The following NUP153 variants were observed in gnomAD, a reference collection of about 807,000 sequenced individuals.
NUP153 encodes the protein nucleoporin 153, also known as nuclear pore complex protein Nup153.
A neutral mutation model predicts 134.6 loss-of-function variants in NUP153; 27 were observed. That is an observed-to-expected ratio of 0.20 (90% CI 0.15 to 0.28). NUP153 has a LOEUF of 0.28. NUP153 is among the 10% of genes least tolerant of loss of function. The pLI, the probability that NUP153 is intolerant of heterozygous loss-of-function variation, is 1.00. For synonymous variants in NUP153, 640 were observed against 623.5 expected (o/e 1.03, Z -0.40); for missense variants, 1,821 against 1,731.3 (o/e 1.05, Z -0.92).
intron 11 of NUP153, among the ~76,000 whole-genome samples, chr6:17,652,904 C>A (rs1003437255): frequency 1.3e-5 from 2 of 151,998 alleles, no homozygotes; most frequent in Admixed American, 6.6e-5. Flanking sequence ...TGGCGCACAC[C>A]TGTAATCCCA....
Position 17,639,951 on chromosome 6 carries a change from G to T in NUP153, c.1834C>A (p.Leu612Met). ...TTAATTATCTTACCAGGGCTTTTCA[G>T]AATATCTAGAACACTTCCTTCTTTC... ...ILKEGSVLDI[L>M]KSPGFASPKI... Residue 612 changes from leucine (L) to methionine (M), a missense_variant, in exon 15 of 22, where the codon CTG (leucine) becomes ATG (methionine). Transcript: ENST00000262077. 6.2e-7 allele frequency: 1 copy of T among 1,604,114 alleles called. No individual in the cohort carries two copies. The highest frequency in any genetic ancestry group is 8.5e-7 in the Non-Finnish European group (1 of 1,177,216).
intron 15 of NUP153, among the ~76,000 whole-genome samples, chr6:17,639,696 T>TAG (rs1268662086): frequency 2.0e-5 from 3 of 152,216 alleles, no homozygotes; most frequent in Non-Finnish European, 4.4e-5. Context: ...GACCTACCTC[T>TAG]ATTAATGGAG....
Position 17,628,572 on chromosome 6 carries a change from G to A in NUP153, c.3544+83C>T. 1 of 670,928 alleles carries A rather than the reference G, an allele frequency of 1.5e-6. No homozygotes were observed. Among genetic ancestry groups the A allele is most frequent in the Non-Finnish European group, 2.1e-6 (1 of 481,724 alleles). 41.6% of individuals were successfully genotyped at this position (670,928 alleles called of 1,614,324 possible). ...TTCAGTGTAAACCATTAATTGACTTGCTGCATCTGTCAAGGCAACTTGTAA... is the reference window on the plus strand; with the variant it reads ...TTCAGTGTAAACCATTAATTGACTTACTGCATCTGTCAAGGCAACTTGTAA... On this transcript the variant is annotated intron_variant, in intron 18 of 21. Coordinates refer to ENST00000262077, the MANE Select transcript of NUP153 (RefSeq NM_005124.4). The surrounding 1 kb of genome is among the most constrained non-coding windows in gnomAD (Gnocchi z 5.4).
chr6:17,698,343 A>G lies in NUP153; in HGVS notation c.111+7934T>C, dbSNP rs566844512. ...CACCGTGGCTCACGCCTGTAATCTC[A>G]GTGCTTTGGAGGCCAAGGCAGGGGT... On this transcript the variant is annotated intron_variant, in intron 1 of 21. Coordinates refer to ENST00000262077, the MANE Select transcript of NUP153 (RefSeq NM_005124.4). Among the ~76,000 whole-genome samples, 6 of 152,304 alleles carry G rather than the reference A, an allele frequency of 3.9e-5. No individual in the cohort carries two copies. The East Asian group carries it at 1.2e-3, about 29-fold the overall frequency.
intron 1 of NUP153, among the ~76,000 whole-genome samples, chr6:17,704,752 AT>A (rs1770365814): frequency 6.7e-6 from 1 of 150,304 alleles, no homozygotes; most frequent in Non-Finnish European, 1.5e-5. Context: ...AATTCCTCAA[AT>A]CTTTACTTTT....
intron 16 of NUP153, among the ~76,000 whole-genome samples, chr6:17,635,241 C>G (rs868100305): frequency 5.7e-4 from 86 of 151,586 alleles, no homozygotes; most frequent in African/African-American, 1.9e-3. Flanking sequence ...TCCCGAGTAG[C>G]TGGGACTACA....
At chr6:17,651,874 G>C (rs569636007) in intron 11 of NUP153, 1 of 676,626 alleles carries the variant, frequency 1.5e-6, no homozygotes, top group South Asian at 1.5e-5. Context: ...TGGGATGATC[G>C]CTTGAGCGCA....
intron 1 of NUP153, among the ~76,000 whole-genome samples, chr6:17,690,270 T>TGAGCCCGGGTGGCGTAGCTTGCAGTGA (rs1769194700): frequency 6.6e-6 from 1 of 151,404 alleles, no homozygotes; most frequent in Non-Finnish European, 1.5e-5. Context: ...GAGAATGGCG[T>TGAGCCCGGGTGGCGTAGCTTGCAGTGA]GAACCCGGGT....
chr6:17,682,737 T>G (rs1561901451), intron 2 of NUP153, among the ~76,000 whole-genome samples: 1 of 151,822 alleles, frequency 6.6e-6, no homozygotes, highest in Non-Finnish European at 1.5e-5. Context: ...GCCAACACGG[T>G]GAAACCCCAT....
rs764590727 is a variant in NUP153 at position 17,637,190 on chromosome 6, T to C, written c.2427A>G (p.Glu809=). Residue 809 remains glutamate (E), a synonymous_variant, in exon 16 of 22, where the codon GAA becomes GAG. Coordinates refer to ENST00000262077, the MANE Select transcript of NUP153 (RefSeq NM_005124.4). The part of the protein sequence containing the change: ...CSVCCVSNNA[E]DNKCVSCMSE... Reference sequence around the variant, plus strand: ...ACATACAGGACACACACTTATTGTCTTCTGCATTATTAGAAACACAGCATA... The same window carrying C: ...ACATACAGGACACACACTTATTGTCCTCTGCATTATTAGAAACACAGCATA... 2 of 1,614,012 alleles carry C rather than the reference T, an allele frequency of 1.2e-6. No individual in the cohort carries two copies.
At chr6:17,650,024 A>G (rs989094061) in intron 11 of NUP153, among the ~76,000 whole-genome samples, 1 of 152,208 alleles carries the variant, frequency 6.6e-6, no homozygotes, top group Non-Finnish European at 1.5e-5. Flanking sequence ...CTGAACAAAG[A>G]GCACCCTAAG....
chr6:17,637,890 A>T (rs1164521729), intron 15 of NUP153, 120 bp from the exon 16 acceptor site: 5 of 1,090,206 alleles, frequency 4.6e-6, no homozygotes, highest in Non-Finnish European at 6.4e-6. Flanking sequence ...ATCCAAGATG[A>T]ACTACTTAAG....
intron 2 of NUP153, among the ~76,000 whole-genome samples, chr6:17,686,392 T>C (rs1176031190): frequency 6.6e-6 from 1 of 151,840 alleles, no homozygotes; most frequent in Non-Finnish European, 1.5e-5. Flanking sequence ...TAACAAACCT[T>C]TTTTTTATTT....
At chr6:17,630,402 G>A (rs192651990) in intron 17 of NUP153, among the ~76,000 whole-genome samples, 1 of 152,334 alleles carries the variant, frequency 6.6e-6, no homozygotes, top group East Asian at 1.9e-4. Flanking sequence ...GCTCACGCTT[G>A]GAATCCCAGC....
chr6:17,690,402 G>A (rs991708718), intron 1 of NUP153, among the ~76,000 whole-genome samples: 15 of 152,038 alleles, frequency 9.9e-5, no homozygotes, highest in African/African-American at 3.6e-4. Flanking sequence ...ATGGGCTTTG[G>A]GATTGCCAGG....
chr6:17,658,457 C>A (rs1665651640), intron 11 of NUP153, among the ~76,000 whole-genome samples: 1 of 152,022 alleles, frequency 6.6e-6, no homozygotes, highest in African/African-American at 2.4e-5. Context: ...CAACAAAAAA[C>A]AAAGTTTGCA....
rs188037000 is a variant in NUP153 at position 17,629,218 on chromosome 6, G to C, written c.2981C>G (p.Ser994Cys). ...TACCCCAAATTGAAATGGAGTTAAA[G>C]AAACTGGGTTGCTTAAACCAGAAGA... ...GLSSGLSNPV[S>C]LTPFQFGVSN... Residue 994 changes from serine to cysteine, a missense_variant, in exon 18 of 22, where the codon TCT (serine) becomes TGT (cysteine). By Grantham distance (112) the Ser-to-Cys change is moderately radical. Transcript: ENST00000262077. 5.0e-5 allele frequency: 80 copies of C among 1,613,500 alleles called. No homozygotes were observed. In the Middle Eastern group the frequency reaches 6.6e-4, roughly 13 times the overall value.
chr6:17,669,811 G>A (rs1159733859), intron 5 of NUP153, among the ~76,000 whole-genome samples: 1 of 151,930 alleles, frequency 6.6e-6, no homozygotes, highest in Non-Finnish European at 1.5e-5. Flanking sequence ...AAGAAAGTAT[G>A]GGCCGGGCAT....
intron 1 of NUP153, among the ~76,000 whole-genome samples, chr6:17,705,246 C>G (rs1770403078): frequency 6.6e-6 from 1 of 152,188 alleles, no homozygotes; most frequent in Non-Finnish European, 1.5e-5. Flanking sequence ...ACACACTTCC[C>G]ACCTCAGTAT....
Sources: allele counts gnomAD v4.1 joint callset (sites outside exome capture counted in the v4.1 genomes callset), GRCh38; gene constraint gnomAD v4.1.1; non-coding constraint Gnocchi (gnomAD v3.1); transcripts MANE v1.5; gene names NCBI Gene and HGNC (gene_info 2026-07-23, HGNC 2026-07-21).